Variants in NRXN1 observed in about 807,000 individuals in gnomAD.
NRXN1 encodes neurexin-1.
A neutral mutation model predicts 150.9 loss-of-function variants in NRXN1; 39 were observed. The observed-to-expected ratio is 0.26, with a 90% CI of 0.20 to 0.34. The LOEUF (loss-of-function observed/expected upper bound fraction) is 0.34. NRXN1 is among the 10% of genes least tolerant of loss of function. NRXN1 has a pLI of 1.00. For missense variants in NRXN1, 1,815 were observed against 1,949.9 expected (o/e 0.93, Z 1.30); for synonymous variants, 924 against 757.0 (o/e 1.22, Z -3.62).
chr2:50,095,119 C>T (rs1700054140), intron 18 of NRXN1, among the ~76,000 whole-genome samples: 1 of 152,100 alleles, frequency 6.6e-6, no homozygotes, highest in African/African-American at 2.4e-5. Flanking sequence ...GTGGGGGCTC[C>T]ACTGTGGCTG....
chr2:50,846,555 G>T (rs559622774), intron 5 of NRXN1, among the ~76,000 whole-genome samples: 1 of 152,010 alleles, frequency 6.6e-6, no homozygotes, highest in African/African-American at 2.4e-5. Context: ...AAATATGGTG[G>T]CAATAAATAG....
At chr2:50,896,811 C>T (rs1682032645) in intron 5 of NRXN1, among the ~76,000 whole-genome samples, 1 of 151,456 alleles carries the variant, frequency 6.6e-6, no homozygotes, top group Non-Finnish European at 1.5e-5. Flanking sequence ...TGTGCCACTG[C>T]ACCCCAGCCT....
intron 18 of NRXN1, among the ~76,000 whole-genome samples, chr2:50,181,695 T>A (rs917481498): frequency 6.6e-6 from 1 of 152,046 alleles, no homozygotes; most frequent in East Asian, 1.9e-4. Flanking sequence ...TGAGTTTTAC[T>A]TTTTTTGTTT....
chr2:50,754,174 T>C (rs1700927593), intron 5 of NRXN1, among the ~76,000 whole-genome samples: 1 of 151,806 alleles, frequency 6.6e-6, no homozygotes, highest in Non-Finnish European at 1.5e-5. Flanking sequence ...AAAAGAAAAG[T>C]CATTTAGTAG....
chr2:50,156,037 G>A (rs1197862544), intron 18 of NRXN1, among the ~76,000 whole-genome samples: 1 of 151,438 alleles, frequency 6.6e-6, no homozygotes, highest in Non-Finnish European at 1.5e-5. Flanking sequence ...ATATCAATAT[G>A]TTTTTAGCAT....
intron 5 of NRXN1, among the ~76,000 whole-genome samples, chr2:50,748,880 TG>T (rs1259936287): frequency 3.3e-5 from 5 of 152,088 alleles, no homozygotes; most frequent in African/African-American, 1.2e-4. Flanking sequence ...AGTGAGTGTC[TG>T]GTTTCGGTTT....
intron 5 of NRXN1, among the ~76,000 whole-genome samples, chr2:50,674,484 C>A (rs1168227317): frequency 6.6e-6 from 1 of 151,990 alleles, no homozygotes; most frequent in Admixed American, 6.6e-5. Flanking sequence ...ATAGCATAAT[C>A]TCATTGGAAG....
Position 50,495,345 on chromosome 2 carries a change from CGTGT to C in NRXN1, c.3070+556_3070+559del, listed in dbSNP as rs71404957. On this transcript the variant is annotated intron_variant, in intron 15 of 22. Transcript: ENST00000401669. Reference sequence around the variant, plus strand: ...TTAGCAGCTGGTGAAAGAAGCATTCCGTGTGTGTGTGTGTGTGTGTGTGTGTGTG... The same window carrying C: ...TTAGCAGCTGGTGAAAGAAGCATTCCGTGTGTGTGTGTGTGTGTGTGTGTG... Among the ~76,000 whole-genome samples the C allele has an allele frequency of 9.2e-3, 700 of 76,098 alleles. 6 individuals carry two copies. The highest frequency in any genetic ancestry group is 0.019 in the Middle Eastern group (3 of 156). The allele number at this position is 76,098 out of a possible 152,430, so 49.9% of individuals were successfully genotyped here.
At position 50,986,492 on chromosome 2, in the gene NRXN1, G is replaced by A. The variant is rs1286550975; in HGVS notation, c.772+41010C>T. On this transcript the variant is annotated intron_variant, in intron 2 of 22. Coordinates refer to ENST00000401669, the MANE Select transcript of NRXN1 (RefSeq NM_001330078.2). The stretch of plus-strand genomic sequence containing the variant: ...CATCTTCTATGCCAGAAAATACTGC[G>A]CAGATTTTTTTTTGAAAACACTGAA... Among the ~76,000 whole-genome samples, 5 of 151,468 alleles carry A rather than the reference G, an allele frequency of 3.3e-5. 1 individual carries two copies. Among genetic ancestry groups the A allele is most frequent in the South Asian group, 4.1e-4 (2 of 4,822 alleles).
chr2:50,923,456 C>A (rs1206143901), intron 3 of NRXN1: 3 of 285,630 alleles, frequency 1.1e-5, no homozygotes, highest in African/African-American at 4.5e-5. Flanking sequence ...TCAAGGAATT[C>A]TTTAAAGGAC....
At chr2:50,145,826 A>AT (rs958646737) in intron 18 of NRXN1, among the ~76,000 whole-genome samples, 3 of 151,446 alleles carry the variant, frequency 2.0e-5, no homozygotes, top group Non-Finnish European at 4.4e-5. Flanking sequence ...AGGGCAGATG[A>AT]TTTTTTTTGC....
chr2:50,187,371 G>A (rs922531539), intron 18 of NRXN1, among the ~76,000 whole-genome samples: 1 of 152,030 alleles, frequency 6.6e-6, no homozygotes, highest in Non-Finnish European at 1.5e-5. Context: ...TCTCCACAAA[G>A]AGCTCATTTT....
At chr2:50,558,048 G>A (rs945896513) in intron 8 of NRXN1, among the ~76,000 whole-genome samples, 1 of 152,060 alleles carries the variant, frequency 6.6e-6, no homozygotes, top group Non-Finnish European at 1.5e-5. Context: ...TAACAACAGC[G>A]GCTACCACTA....
intron 17 of NRXN1, among the ~76,000 whole-genome samples, chr2:50,432,890 A>AT (rs1319286292): frequency 6.6e-6 from 1 of 152,136 alleles, no homozygotes; most frequent in Non-Finnish European, 1.5e-5. Flanking sequence ...CAGAGGCTCC[A>AT]TTTTTGTTTA....
chr2:50,658,007 G>T (rs1225786659), intron 5 of NRXN1, among the ~76,000 whole-genome samples: 1 of 151,962 alleles, frequency 6.6e-6, no homozygotes, highest in South Asian at 2.1e-4. Context: ...CCTCAAAAGA[G>T]GTTTTTAGCC....
At chr2:50,395,395 C>T (rs190302908) in intron 17 of NRXN1, among the ~76,000 whole-genome samples, 12 of 151,444 alleles carry the variant, frequency 7.9e-5, no homozygotes, top group African/African-American at 2.7e-4. Flanking sequence ...TACTCTTCTA[C>T]AAGCAGAAGA....
chr2:50,381,522 A>AACACACACAC (rs59726557), intron 17 of NRXN1, among the ~76,000 whole-genome samples: 33 of 128,502 alleles, frequency 2.6e-4, no homozygotes, highest in Admixed American at 8.8e-4. Context: ...CAGGCTTTTA[A>AACACACACAC]ACACACACAC....
intron 17 of NRXN1, among the ~76,000 whole-genome samples, chr2:50,362,500 C>T (rs534647138): frequency 6.6e-6 from 1 of 152,180 alleles, no homozygotes; most frequent in East Asian, 1.9e-4. Flanking sequence ...ACAATTGCTG[C>T]AAAGAGAATA....
At chr2:50,365,674 G>C (rs1572695301) in intron 17 of NRXN1, among the ~76,000 whole-genome samples, 1 of 152,090 alleles carries the variant, frequency 6.6e-6, no homozygotes, top group Non-Finnish European at 1.5e-5. Context: ...GGTAACATTA[G>C]GTGATTAGCT....
Sources: allele counts gnomAD v4.1 joint callset (sites outside exome capture counted in the v4.1 genomes callset), GRCh38; gene constraint gnomAD v4.1.1; transcripts MANE v1.5; gene names NCBI Gene and HGNC (gene_info 2026-07-23, HGNC 2026-07-21).